Variants in TRPC5 observed in about 807,000 individuals in gnomAD.
TRPC5 encodes the protein short transient receptor potential channel 5.
Under a neutral mutation model 56.5 loss-of-function variants are expected in TRPC5, and 9 were observed. The ratio of observed to expected loss-of-function variants is 0.16; its 90% confidence interval spans 0.10 to 0.28. TRPC5 has a LOEUF of 0.28. TRPC5 is among the 10% of genes least tolerant of loss of function. The pLI is 1.00. For synonymous variants in TRPC5, 282 were observed against 278.5 expected (o/e 1.01, Z -0.13); for missense variants, 469 against 748.9 (o/e 0.63, Z 4.36).
chrX:112,025,317 C>T (rs1044082857), intron 1 of TRPC5, among the ~76,000 whole-genome samples: 1 of 111,898 alleles, frequency 8.9e-6, no homozygotes, highest in African/African-American at 3.2e-5. Context: ...GCCAGTTATG[C>T]CAATTATAGA....
At chrX:112,033,136 G>A (rs930215461) in intron 1 of TRPC5, among the ~76,000 whole-genome samples, 63 of 99,230 alleles carry the variant, frequency 6.3e-4, no homozygotes, top group Non-Finnish European at 1.2e-3. Context: ...ACCAAACACC[G>A]CATGTTCTCA....
rs140482620 is a variant in TRPC5 at position 111,901,680 on chromosome X, T to C, written c.900+10611A>G. 3,120 of 391,159 alleles carry C rather than the reference T, an allele frequency of 8.0e-3. 73 individuals are homozygous for C. The highest frequency in any genetic ancestry group is 0.071 in the African/African-American group (2,778 of 39,050). The allele number at this position is 391,159 out of a possible 1,213,427, so 32.2% of individuals were successfully genotyped here. On this transcript the variant is annotated intron_variant, in intron 3 of 10. Coordinates refer to ENST00000262839, the MANE Select transcript of TRPC5 (RefSeq NM_012471.3). Reference sequence around the variant, plus strand: ...ACATCATCAAAAAGTTATATTGTTCTACTGTTCTCATTCTTTACTTGATCA... The same window carrying C: ...ACATCATCAAAAAGTTATATTGTTCCACTGTTCTCATTCTTTACTTGATCA...
chrX:111,953,949 G>C lies in TRPC5; in HGVS notation c.-21-1508C>G, dbSNP rs760413712. Among the ~76,000 whole-genome samples, 9 of 111,913 alleles carry C rather than the reference G, an allele frequency of 8.0e-5. No individual in the cohort carries two copies. In the East Asian group the frequency reaches 2.6e-3, roughly 32 times the overall value. On this transcript the variant is annotated intron_variant, in intron 1 of 10. Transcript: ENST00000262839. ...TCCACATCTAAATCCCAAGAGAACA[G>C]GGTGCTGTTTCACTGCCTCAAGACC...
At chrX:111,930,382 A>T (rs1371058294) in intron 2 of TRPC5, among the ~76,000 whole-genome samples, 2 of 110,964 alleles carry the variant, frequency 1.8e-5, no homozygotes, top group Non-Finnish European at 3.8e-5. Flanking sequence ...GTATGTGTAT[A>T]CCTATGTAAC....
intron 1 of TRPC5, among the ~76,000 whole-genome samples, chrX:111,992,171 T>C (rs1386729758): frequency 2.7e-5 from 3 of 112,096 alleles, no homozygotes; most frequent in Non-Finnish European, 5.6e-5. Context: ...AAAAAATAAT[T>C]TGTGCTTGGG....
intron 3 of TRPC5, among the ~76,000 whole-genome samples, chrX:111,880,087 C>T (rs1486919630): frequency 9.7e-6 from 1 of 103,300 alleles, no homozygotes; most frequent in Non-Finnish European, 2.0e-5. Flanking sequence ...TTTGTTGCTG[C>T]TTTTTTTTTT....
At chrX:112,074,234 A>G (rs1230361481) in intron 1 of TRPC5, among the ~76,000 whole-genome samples, 1 of 109,485 alleles carries the variant, frequency 9.1e-6, no homozygotes, top group Non-Finnish European at 1.9e-5. Context: ...GTTTTTTTTG[A>G]AGGCCATATC....
chrX:111,825,203 CT>C (rs1337279117), intron 7 of TRPC5, among the ~76,000 whole-genome samples: 187 of 69,795 alleles, frequency 2.7e-3, no homozygotes, highest in East Asian at 5.8e-3. Flanking sequence ...TTCTTTCTTT[CT>C]TTCTTTCTTT....
chrX:111,908,832 T>C (rs1305744143), intron 3 of TRPC5, among the ~76,000 whole-genome samples: 1 of 111,930 alleles, frequency 8.9e-6, no homozygotes, highest in East Asian at 2.8e-4. Flanking sequence ...TTGCCAGTGT[T>C]ATGGATTAAA....
At chrX:111,792,379 G>A (rs752477817) in intron 7 of TRPC5, among the ~76,000 whole-genome samples, 16 of 110,999 alleles carry the variant, frequency 1.4e-4, no homozygotes, top group Non-Finnish European at 3.0e-4. Flanking sequence ...CCTAGATGAC[G>A]GGTTGATGGG....
chrX:111,885,380 G>C (rs763213871), intron 3 of TRPC5, among the ~76,000 whole-genome samples: 181 of 111,391 alleles, frequency 1.6e-3, no homozygotes, highest in African/African-American at 5.6e-3. Flanking sequence ...TCCCAGTTAA[G>C]GTCTAGTGAG....
At chrX:111,891,540 A>T (rs1408056979) in intron 3 of TRPC5, among the ~76,000 whole-genome samples, 3 of 109,887 alleles carry the variant, frequency 2.7e-5, no homozygotes, top group African/African-American at 1.0e-4. Flanking sequence ...TATTTTGTTT[A>T]TTTTATTTTT....
chrX:111,849,244 G>A (rs1923015224), intron 5 of TRPC5, among the ~76,000 whole-genome samples: 1 of 112,353 alleles, frequency 8.9e-6, no homozygotes, highest in Non-Finnish European at 1.9e-5. Flanking sequence ...GGAACACTCA[G>A]AAGTGTAAAA....
At chrX:111,810,454 A>G (rs1921667534) in intron 7 of TRPC5, among the ~76,000 whole-genome samples, 1 of 111,830 alleles carries the variant, frequency 8.9e-6, no homozygotes, top group Non-Finnish European at 1.9e-5. Flanking sequence ...TTTAAGGAGA[A>G]CTTAATCAAG....
intron 2 of TRPC5, among the ~76,000 whole-genome samples, chrX:111,931,755 C>T (rs1250073101): frequency 2.7e-5 from 3 of 111,362 alleles, no homozygotes; most frequent in Admixed American, 9.6e-5. Context: ...CCAGTGCATC[C>T]GCTTACTAGA....
At chrX:111,813,287 G>A (rs1921766157) in intron 7 of TRPC5, among the ~76,000 whole-genome samples, 1 of 112,275 alleles carries the variant, frequency 8.9e-6, no homozygotes, top group African/African-American at 3.2e-5. Context: ...TCTAATTCAT[G>A]TGTGTGCCCT....
chrX:112,077,912 G>T (rs1159589252), intron 1 of TRPC5, among the ~76,000 whole-genome samples: 2 of 111,500 alleles, frequency 1.8e-5, no homozygotes, highest in Non-Finnish European at 3.8e-5. Flanking sequence ...GACTGTATGT[G>T]CATGTTTGTG....
intron 3 of TRPC5, chrX:111,903,921 A>C (rs1384242582): frequency 8.9e-6 from 1 of 112,147 alleles, no homozygotes; most frequent in Non-Finnish European, 1.9e-5. Context: ...TTAGCTATTG[A>C]TCTAAACCAT....
chrX:111,983,731 C>T (rs1156926957), intron 1 of TRPC5, among the ~76,000 whole-genome samples: 1 of 110,933 alleles, frequency 9.0e-6, no homozygotes, highest in Non-Finnish European at 1.9e-5. Context: ...AAGGGACATC[C>T]TAAAATGAAC....
Sources: allele counts gnomAD v4.1 joint callset (sites outside exome capture counted in the v4.1 genomes callset), GRCh38; gene constraint gnomAD v4.1.1; transcripts MANE v1.5; gene names NCBI Gene and HGNC (gene_info 2026-07-23, HGNC 2026-07-21).